Variants in LRFN2 observed in about 807,000 individuals in gnomAD.
The protein encoded by LRFN2 is leucine-rich repeat and fibronectin type-III domain-containing protein 2.
In LRFN2, 18 loss-of-function variants were observed where a neutral mutation model predicts 37.3. The ratio of observed to expected loss-of-function variants is 0.48; its 90% CI spans 0.33 to 0.72. The LOEUF is 0.72. Ranked by LOEUF, LRFN2 falls within the 30% of genes least tolerant of loss-of-function variation. The pLI, the probability that LRFN2 is intolerant of heterozygous loss-of-function variation, is 0.02. For synonymous variants in LRFN2, 556 were observed against 466.6 expected (o/e 1.19, Z -2.47); for missense variants, 1,006 against 1,060.7 (o/e 0.95, Z 0.72).
At chr6:40,463,703 G>A (rs963790476) in intron 1 of LRFN2, among the ~76,000 whole-genome samples, 5 of 130,816 alleles carry the variant, frequency 3.8e-5, no homozygotes. Context: ...TTGAGGCAGG[G>A]TCTCACTCTG....
intron 1 of LRFN2, among the ~76,000 whole-genome samples, chr6:40,496,535 C>G (rs967321222): frequency 1.3e-5 from 2 of 151,932 alleles, no homozygotes; most frequent in African/African-American, 4.8e-5. Flanking sequence ...AATCTTTGCA[C>G]TGATTAGTCC....
At chr6:40,495,031 T>C (rs1482784623) in intron 1 of LRFN2, among the ~76,000 whole-genome samples, 1 of 152,234 alleles carries the variant, frequency 6.6e-6, no homozygotes, top group Non-Finnish European at 1.5e-5. Flanking sequence ...ATCAGCTGAC[T>C]GGCATCTAGA....
chr6:40,475,915 A>T (rs73430993), intron 1 of LRFN2, among the ~76,000 whole-genome samples: 19,176 of 152,270 alleles, frequency 0.13, 2,662 homozygotes, highest in African/African-American at 0.34. Flanking sequence ...CCAAGGATTT[A>T]GAATCCCACC....
At chr6:40,569,181 C>T (rs1315408849) in intron 1 of LRFN2, among the ~76,000 whole-genome samples, 2 of 152,172 alleles carry the variant, frequency 1.3e-5, no homozygotes, top group Non-Finnish European at 2.9e-5. Context: ...GCATGAGTCC[C>T]CACCTATAAT....
At chr6:40,450,002 G>GC in intron 1 of LRFN2, among the ~76,000 whole-genome samples, 1 of 152,240 alleles carries the variant, frequency 6.6e-6, no homozygotes, top group Middle Eastern at 3.4e-3. Context: ...TGGCATCCCA[G>GC]CCCCCTCCCT....
In LRFN2 at chr6:40,433,080, C is replaced by A. The variant is rs763703174; in HGVS notation, c.34G>T (p.Gly12Cys). Residue 12 changes from glycine to cysteine, a missense_variant, in exon 2 of 3, where the codon GGC becomes TGC. This residue lies in a region of LRFN2 where 185 missense variants were observed against 254.9 expected (regional missense o/e 0.73). Coordinates refer to ENST00000338305, the MANE Select transcript of LRFN2 (RefSeq NM_020737.3). ...GCGTCGACCACGGCAAACGCCATGC[C>A]AAACGCTAGCAGGCCACCAAGCAGG... is the stretch of plus-strand genomic sequence containing the variant. ...ETLLGGLLAFGMAFAVVDACP... is the reference protein window; with the variant it reads ...ETLLGGLLAFCMAFAVVDACP... 1.3e-6 allele frequency: 2 copies of A among 1,529,864 alleles called. No homozygotes were observed. The highest frequency in any genetic ancestry group is 2.6e-5 in the South Asian group (2 of 76,628). 94.8% of individuals were successfully genotyped at this position (1,529,864 alleles called of 1,614,324 possible). A position where few individuals can be genotyped will look rare whatever the true frequency, so the allele number is the denominator to read the frequency against.
chr6:40,437,017 T>C (rs751567980), intron 1 of LRFN2, among the ~76,000 whole-genome samples: 3 of 152,176 alleles, frequency 2.0e-5, no homozygotes, highest in African/African-American at 4.8e-5. Flanking sequence ...TGTGTATGTG[T>C]ATGGGGTAGT....
At chr6:40,569,327 A>G (rs1181356213) in intron 1 of LRFN2, among the ~76,000 whole-genome samples, 4 of 152,210 alleles carry the variant, frequency 2.6e-5, no homozygotes, top group Non-Finnish European at 5.9e-5. Context: ...TTTAGACCTC[A>G]GGGCTTTCAG....
intron 2 of LRFN2, among the ~76,000 whole-genome samples, chr6:40,422,929 T>A (rs1159502232): frequency 2.6e-5 from 4 of 152,226 alleles, no homozygotes; most frequent in Admixed American, 6.5e-5. Flanking sequence ...TTACTTTTTA[T>A]CTTTGGAGCT....
chr6:40,461,154 T>A (rs1307250589), intron 1 of LRFN2, among the ~76,000 whole-genome samples: 1 of 152,134 alleles, frequency 6.6e-6, no homozygotes, highest in Non-Finnish European at 1.5e-5. Flanking sequence ...TGCCTGTAAT[T>A]CCAGCAATTT....
At position 40,392,604 on chromosome 6, in the gene LRFN2, G is replaced by A. The variant is rs140445290; in HGVS notation, c.1709C>T (p.Ala570Val). 71 of 1,609,494 alleles carry A rather than the reference G, an allele frequency of 4.4e-5. No individual in the cohort carries two copies. Among genetic ancestry groups the A allele is most frequent in the Non-Finnish European group, 5.4e-5 (64 of 1,179,930 alleles). ...CNHEAPSKMA[A>V]AVSNVYSQTN... ...CTGCGAGTACACATTGCTCACGGCC[G>A]CTGCCATCTTGCTGGGGGCCTCGTG... is the stretch of plus-strand genomic sequence containing the variant. The change falls in exon 3 of 3, where the codon GCG becomes GTG. Residue 570 changes from alanine (A) to valine (V), a missense_variant. Ala to Val is a moderately conservative substitution (Grantham distance 64). This residue lies in a region of LRFN2 where 398 missense variants were observed against 327.6 expected (regional missense o/e 1.21). Coordinates refer to ENST00000338305, the MANE Select transcript of LRFN2 (RefSeq NM_020737.3). This position sits in a 1 kb window ranked among gnomAD's most constrained non-coding sequence, Gnocchi z 4.7.
At chr6:40,406,496 CA>C (rs1340049972) in intron 2 of LRFN2, among the ~76,000 whole-genome samples, 2 of 152,212 alleles carry the variant, frequency 1.3e-5, no homozygotes, top group African/African-American at 4.8e-5. Flanking sequence ...CCTCTGCCCT[CA>C]CCATGCACAG....
chr6:40,505,830 A>G (rs576006443), intron 1 of LRFN2, among the ~76,000 whole-genome samples: 5 of 152,296 alleles, frequency 3.3e-5, no homozygotes, highest in African/African-American at 1.2e-4. Context: ...ACTCCCCAGG[A>G]TGGGTCTCCT....
At chr6:40,584,807 G>A in intron 1 of LRFN2, among the ~76,000 whole-genome samples, 1 of 151,426 alleles carries the variant, frequency 6.6e-6, no homozygotes. Context: ...TTGGAGGCCA[G>A]AATCCCTGTT....
intron 1 of LRFN2, chr6:40,502,528 C>G (rs1341286466): frequency 6.6e-6 from 1 of 152,230 alleles, no homozygotes; most frequent in Non-Finnish European, 1.5e-5. Flanking sequence ...TGGAAGCTGG[C>G]AGCAGGGCAC....
At chr6:40,523,545 C>T (rs1302267735) in intron 1 of LRFN2, among the ~76,000 whole-genome samples, 2 of 133,848 alleles carry the variant, frequency 1.5e-5, no homozygotes, top group African/African-American at 5.8e-5. Context: ...TACCGATAGC[C>T]CTATGAAGAA....
chr6:40,432,012 C>T lies in LRFN2; in HGVS notation c.1102G>A (p.Ala368Thr), dbSNP rs1002697220. The T allele has an allele frequency of 6.2e-7, 1 of 1,613,816 alleles. No individual in the cohort carries two copies. Among genetic ancestry groups the T allele is most frequent in the South Asian group, 1.1e-5 (1 of 91,084 alleles). ...TCIAANAAGE[A>T]TAMVEVSIVQ... The stretch of plus-strand genomic sequence containing the variant: ...ATGGAGACCTCCACCATGGCCGTGG[C>T]CTCTCCGGCAGCATTGGCAGCAATG... Residue 368 changes from alanine (A) to threonine (T), a missense_variant, in exon 2 of 3, where the codon GCC (alanine) becomes ACC (threonine). Physicochemically the swap from Ala to Thr is moderately conservative, Grantham distance 58 (BLOSUM62 0). This residue lies in a region of LRFN2 where 303 missense variants were observed against 299.8 expected (regional missense o/e 1.01). Transcript: ENST00000338305.
rs370943969 is a variant in LRFN2 at position 40,392,778 on chromosome 6, T to C, written c.1535A>G (p.Gln512Arg). ...LTATNIVGCA[Q>R]FFTKADYPQC... ...CGGGTAGTCAGCCTTGGTGAAGAAC[T>C]GGGCGCAGCCCACGATGTTGGTGGC... Residue 512 changes from glutamine to arginine, a missense_variant, in exon 3 of 3, where the codon CAG becomes CGG. Around this residue, in one of 4 missense-constraint regions of LRFN2, gnomAD observed 120 missense variants for 178.4 expected, o/e 0.67. Transcript: ENST00000338305. This position sits in a 1 kb window ranked among gnomAD's most constrained non-coding sequence, Gnocchi z 4.7. 1 of 1,614,116 alleles carries C rather than the reference T, an allele frequency of 6.2e-7. No individual in the cohort carries two copies. Among genetic ancestry groups the C allele is most frequent in the Non-Finnish European group, 8.5e-7 (1 of 1,180,014 alleles).
intron 1 of LRFN2, among the ~76,000 whole-genome samples, chr6:40,579,318 G>C (rs114134112): frequency 0.026 from 4,029 of 152,250 alleles, 90 homozygotes; most frequent in Admixed American, 0.039. Context: ...TAAGTCCTCA[G>C]GCAAGGAGGA....
Sources: allele counts gnomAD v4.1 joint callset (sites outside exome capture counted in the v4.1 genomes callset), GRCh38; gene constraint gnomAD v4.1.1; regional missense constraint gnomAD v4.1.1; non-coding constraint Gnocchi (gnomAD v3.1); transcripts MANE v1.5; gene names NCBI Gene and HGNC (gene_info 2026-07-23, HGNC 2026-07-21).